Variants in RBFOX1 observed in about 807,000 individuals in gnomAD.
RBFOX1 encodes the protein RNA binding protein fox-1 homolog 1.
In RBFOX1, 8 loss-of-function variants were observed where a neutral mutation model predicts 57.7. The observed-to-expected ratio is 0.14, with a 90% confidence interval of 0.08 to 0.25. The LOEUF (loss-of-function observed/expected upper bound fraction) is 0.25. Among genes scored for constraint, RBFOX1 ranks in the 10% least tolerant of loss-of-function variants. The pLI, the probability that RBFOX1 is intolerant of heterozygous loss-of-function variation, is 1.00. For missense variants in RBFOX1, 611 were observed against 548.5 expected (o/e 1.11, Z -1.14); for synonymous variants, 326 against 222.4 (o/e 1.47, Z -4.15).
Position 6,478,417 on chromosome 16 carries a change from A to T in RBFOX1, c.-64+161360A>T, listed in dbSNP as rs1597825705. ...TATATATATATATATATATATATAT[A>T]TATATATATATATTTTTTTTTTTTT... On this transcript the variant is annotated intron_variant, in intron 2 of 15. Coordinates refer to ENST00000550418, the MANE Select transcript of RBFOX1 (RefSeq NM_018723.4). Among the ~76,000 whole-genome samples the T allele has an allele frequency of 5.5e-4, 9 of 16,450 alleles. 1 individual carries two copies. The highest frequency in any genetic ancestry group is 1.5e-3 in the African/African-American group (7 of 4,520). The allele number at this position is 16,450 out of a possible 152,430, so 10.8% of individuals were successfully genotyped here.
intron 2 of RBFOX1, among the ~76,000 whole-genome samples, chr16:6,447,965 A>T (rs2094517571): frequency 8.2e-6 from 1 of 122,354 alleles, no homozygotes; most frequent in Admixed American, 9.1e-5. Context: ...ATAACAAGAT[A>T]TTTCAGACAA....
intron 3 of RBFOX1, among the ~76,000 whole-genome samples, chr16:7,041,870 T>G (rs181479775): frequency 1.3e-5 from 2 of 152,270 alleles, no homozygotes; most frequent in South Asian, 4.1e-4. Flanking sequence ...GTAATTCTTA[T>G]AGATTATGCT....
chr16:6,348,254 G>A (rs2085705773), intron 2 of RBFOX1, among the ~76,000 whole-genome samples: 1 of 152,198 alleles, frequency 6.6e-6, no homozygotes, highest in South Asian at 2.1e-4. Context: ...TAGGAGCTGT[G>A]TAAACTCAGG....
chr16:5,828,389 A>G (rs1231355365), intron 3 of RBFOX1, among the ~76,000 whole-genome samples: 6 of 152,198 alleles, frequency 3.9e-5, no homozygotes, highest in Non-Finnish European at 7.3e-5. Flanking sequence ...AGTGAGTGAC[A>G]TCTTAATCTA....
At chr16:7,242,580 G>T (rs971809728) in intron 4 of RBFOX1, among the ~76,000 whole-genome samples, 1 of 152,150 alleles carries the variant, frequency 6.6e-6, no homozygotes, top group Non-Finnish European at 1.5e-5. Context: ...AGGTCTCTTC[G>T]CCATTGGCTG....
chr16:6,563,249 G>A (rs140307860), intron 2 of RBFOX1, among the ~76,000 whole-genome samples: 4 of 152,214 alleles, frequency 2.6e-5, no homozygotes, highest in African/African-American at 7.2e-5. Flanking sequence ...TGTGCAACAC[G>A]CATGAGATTT....
At chr16:5,735,155 T>G (rs920833152) in intron 3 of RBFOX1, among the ~76,000 whole-genome samples, 1 of 152,166 alleles carries the variant, frequency 6.6e-6, no homozygotes, top group Admixed American at 6.5e-5. Context: ...ACAGAGATAT[T>G]ACCCCTGGCT....
chr16:6,970,930 A>G (rs2085392739), intron 3 of RBFOX1, among the ~76,000 whole-genome samples: 1 of 152,160 alleles, frequency 6.6e-6, no homozygotes, highest in Non-Finnish European at 1.5e-5. Context: ...TTTGTCTGAA[A>G]CACATGCACA....
intron 3 of RBFOX1, among the ~76,000 whole-genome samples, chr16:5,640,827 A>T (rs1264021279): frequency 1.2e-5 from 1 of 85,108 alleles, no homozygotes; most frequent in Non-Finnish European, 3.3e-5. Context: ...ATGGATACAC[A>T]TACATGCACA....
chr16:6,572,532 G>A (rs1471973742), intron 2 of RBFOX1, among the ~76,000 whole-genome samples: 2 of 151,944 alleles, frequency 1.3e-5, no homozygotes, highest in Admixed American at 6.6e-5. Context: ...CCGTAGCATA[G>A]CCAGGCAAGA....
chr16:7,285,465 C>T (rs763003152), intron 4 of RBFOX1, among the ~76,000 whole-genome samples: 62 of 151,814 alleles, frequency 4.1e-4, no homozygotes, highest in Non-Finnish European at 6.8e-4. Flanking sequence ...TAGGTCTGTG[C>T]ATCCAACACC....
chr16:5,956,820 C>A lies in RBFOX1; in HGVS notation c.351+89485C>A, dbSNP rs573339562. ...GTGTATATGGGATTACAAGCATGCACCACCATGCCTGGCTAATTTTTTTTT... is the reference window on the plus strand; with the variant it reads ...GTGTATATGGGATTACAAGCATGCAACACCATGCCTGGCTAATTTTTTTTT... On this transcript the variant is annotated intron_variant, in intron 4 of 19. Transcript: ENST00000641259. Among the ~76,000 whole-genome samples the A allele has an allele frequency of 7.3e-5, 11 of 150,486 alleles. No homozygotes were observed. In the South Asian group the frequency reaches 1.1e-3, roughly 14 times the overall value.
intron 1 of RBFOX1, among the ~76,000 whole-genome samples, chr16:5,388,664 C>T (rs2066319754): frequency 6.6e-6 from 1 of 151,966 alleles, no homozygotes; most frequent in African/African-American, 2.4e-5. Context: ...GCAACCTCCA[C>T]CTCCCGGGTT....
intron 4 of RBFOX1, among the ~76,000 whole-genome samples, chr16:7,396,732 A>C (rs2098144562): frequency 6.6e-6 from 1 of 152,082 alleles, no homozygotes; most frequent in African/African-American, 2.4e-5. Context: ...TTGAGGTCAG[A>C]AGTTCAAGAA....
Position 7,330,429 on chromosome 16 carries a change from T to G in RBFOX1, c.28-187718T>G, listed in dbSNP as rs2096670465. ...TTTTTCTGTTTTAGATGATCTGAGG[T>G]TGGTTGAATCTATGGATGTGGAACC... On this transcript the variant is annotated intron_variant, in intron 4 of 15. Coordinates refer to ENST00000550418, the MANE Select transcript of RBFOX1 (RefSeq NM_018723.4). 2.6e-5 allele frequency among the ~76,000 whole-genome samples: 3 copies of G among 115,454 alleles called. No individual in the cohort carries two copies. In the South Asian group the frequency reaches 1.1e-3, roughly 41 times the overall value. 75.7% of individuals were successfully genotyped at this position (115,454 alleles called of 152,430 possible).
chr16:6,063,544 C>A (rs137999521), intron 1 of RBFOX1, among the ~76,000 whole-genome samples: 44 of 151,144 alleles, frequency 2.9e-4, no homozygotes, highest in Admixed American at 5.3e-4. Flanking sequence ...CCTCACTGAT[C>A]ATATTGTTCT....
At chr16:6,078,825 G>C (rs1004879362) in intron 1 of RBFOX1, among the ~76,000 whole-genome samples, 1 of 152,162 alleles carries the variant, frequency 6.6e-6, no homozygotes, top group African/African-American at 2.4e-5. Context: ...CTTTAAGTTT[G>C]TTGCTGTCTT....
rs143938168 is a variant in RBFOX1, at chr16:5,841,797, G to A, written c.319-25506G>A. ...GCAGCCCAGTTCTCATTTCAGCATC[G>A]AGGACTTCCTTTCTACTCGCAGACT... On this transcript the variant is annotated intron_variant, in intron 3 of 19. Coordinates refer to the RBFOX1 transcript ENST00000641259. 3.4e-3 allele frequency among the ~76,000 whole-genome samples: 521 copies of A among 152,266 alleles called. 4 individuals are homozygous for A. Among genetic ancestry groups the A allele is most frequent in the Non-Finnish European group, 5.8e-3 (393 of 68,028 alleles).
At chr16:7,451,019 G>A (rs775718661) in intron 4 of RBFOX1, among the ~76,000 whole-genome samples, 4 of 152,108 alleles carry the variant, frequency 2.6e-5, no homozygotes, top group African/African-American at 7.2e-5. Context: ...CCTGGGCTTC[G>A]CTTCTGAGTG....
Sources: allele counts gnomAD v4.1 joint callset (sites outside exome capture counted in the v4.1 genomes callset), GRCh38; gene constraint gnomAD v4.1.1; transcripts MANE v1.5; gene names NCBI Gene and HGNC (gene_info 2026-07-23, HGNC 2026-07-21).